Variants in GTF2A1L observed in about 807,000 individuals in gnomAD.
The protein encoded by GTF2A1L is general transcription factor IIA subunit 1 like, also known as TFIIA-alpha and beta-like factor.
GTF2A1L carries 48 observed loss-of-function variants against 49.7 expected under a neutral mutation model. The ratio of observed to expected loss-of-function variants is 0.97; its 90% CI spans 0.77 to 1.23. The LOEUF (loss-of-function observed/expected upper bound fraction) is 1.23, where lower values mean the gene tolerates loss of function less well. Ranked by LOEUF, GTF2A1L falls within the 50% of genes most tolerant of loss-of-function variation. The probability of loss-of-function intolerance (pLI) is 0.00; values close to 1 mark genes in which losing one functional copy is unlikely to be tolerated. For missense variants in GTF2A1L, 736 were observed against 564.8 expected, an observed-to-expected ratio of 1.30 and a Z score of -3.07; for synonymous variants, 246 against 193.5, an observed-to-expected ratio of 1.27 and a Z score of -2.25.
chr2:48,646,572 A>C lies in GTF2A1L; in HGVS notation c.508A>C (p.Thr170Pro). ...QQLGQPSVIQ[T>P]SVPQLNPWSL... ...GCTTGGCCAGCCTTCAGTAATACAA[A>C]CTAGTGTTCCACAATTGAATCCATG... is the stretch of plus-strand genomic sequence containing the variant. Residue 170 changes from threonine to proline, a missense_variant, in exon 6 of 9, where the codon ACT becomes CCT. By Grantham distance (38) the Thr-to-Pro change is conservative. Transcript: ENST00000403751. 6.2e-7 allele frequency: 1 copy of C among 1,614,202 alleles called. No individual in the cohort carries two copies. The highest frequency in any genetic ancestry group is 8.5e-7 in the Non-Finnish European group (1 of 1,180,044).
chr2:48,679,035 T>C (rs1321758797), intron 8 of GTF2A1L, among the ~76,000 whole-genome samples: 2 of 111,626 alleles, frequency 1.8e-5, no homozygotes, highest in African/African-American at 5.7e-5. Flanking sequence ...TATTAAAATG[T>C]AAACTCTTAA....
At chr2:48,676,310 A>G (rs1679463278) in intron 8 of GTF2A1L, among the ~76,000 whole-genome samples, 4 of 151,902 alleles carry the variant, frequency 2.6e-5, no homozygotes, top group African/African-American at 7.2e-5. Flanking sequence ...TTGAACCACT[A>G]TGTATATAAG....
rs537416894 is a variant in GTF2A1L, at chr2:48,663,690, G to T, written c.979-6032G>T. Among the ~76,000 whole-genome samples the T allele has an allele frequency of 2.2e-4, 34 of 151,856 alleles. No homozygotes were observed. The South Asian group carries it at 2.5e-3, about 11-fold the overall frequency. ...GGGTCTTGCTGTATTGCTCAGGCTG[G>T]AGTGCAGTGGCAGGTCATAGCTCAC... On this transcript the variant is annotated intron_variant, in intron 6 of 8. Transcript: ENST00000403751.
intron 1 of GTF2A1L, among the ~76,000 whole-genome samples, chr2:48,619,744 G>T (rs1675872399): frequency 6.6e-6 from 1 of 152,132 alleles, no homozygotes; most frequent in African/African-American, 2.4e-5. Flanking sequence ...TGGCCTGGGG[G>T]CATAGTTTAT....
chr2:48,621,253 G>C lies in GTF2A1L; in HGVS notation c.210G>C (p.Leu70Phe), dbSNP rs1227467935. 1 of 1,613,980 alleles carries C rather than the reference G, an allele frequency of 6.2e-7. No homozygotes were observed. Among genetic ancestry groups the C allele is most frequent in the Admixed American group, 1.7e-5 (1 of 60,002 alleles). ...AATCACCTCTGTTTACTCTTCAGTT[G>C]CCGCACAGCTTGCACCAAACATTGC... ...SIQSPLFTLQ[L>F]PHSLHQTLQS... Residue 70 changes from leucine to phenylalanine, a missense_variant, in exon 3 of 9, where the codon TTG becomes TTC. Transcript: ENST00000403751.
intron 6 of GTF2A1L, among the ~76,000 whole-genome samples, chr2:48,660,291 A>G (rs929208101): frequency 1.3e-5 from 2 of 152,186 alleles, no homozygotes; most frequent in African/African-American, 4.8e-5. Context: ...TGCTGGCCTC[A>G]TAAAATAAGT....
intron 7 of GTF2A1L, among the ~76,000 whole-genome samples, chr2:48,670,781 C>A (rs945775138): frequency 2.9e-4 from 44 of 151,916 alleles, no homozygotes; most frequent in Non-Finnish European, 5.9e-5. Flanking sequence ...TAGTAACTTG[C>A]CTAAGGTCAG....
chr2:48,634,919 A>T (rs1676800708), intron 3 of GTF2A1L, among the ~76,000 whole-genome samples: 1 of 152,204 alleles, frequency 6.6e-6, no homozygotes, highest in African/African-American at 2.4e-5. Flanking sequence ...CAGGTCCCCC[A>T]GTGGCAGGTA....
intron 1 of GTF2A1L, 148 bp from the exon 2 acceptor site, chr2:48,620,703 G>T (rs1314898207): frequency 6.2e-6 from 2 of 321,752 alleles, no homozygotes; most frequent in Non-Finnish European, 9.3e-6. Flanking sequence ...CTTGAACCTG[G>T]GACGTGGAAA....
At chr2:48,640,584 C>T (rs1266660264) in intron 3 of GTF2A1L, among the ~76,000 whole-genome samples, 1 of 152,046 alleles carries the variant, frequency 6.6e-6, no homozygotes, top group Non-Finnish European at 1.5e-5. Flanking sequence ...AGGTACTGGG[C>T]TTAATTCCTG....
intron 4 of GTF2A1L, among the ~76,000 whole-genome samples, chr2:48,643,747 T>C (rs1677334388): frequency 6.7e-6 from 1 of 148,250 alleles, no homozygotes; most frequent in African/African-American, 2.5e-5. Flanking sequence ...CACCCAAGTC[T>C]GGAGTGCGGT....
chr2:48,626,434 A>C (rs1390004013), intron 3 of GTF2A1L, among the ~76,000 whole-genome samples: 1 of 144,172 alleles, frequency 6.9e-6, no homozygotes, highest in Non-Finnish European at 1.6e-5. Context: ...TTTTGATAAG[A>C]GATTTTGTTG....
chr2:48,637,240 C>G (rs1388705054), intron 3 of GTF2A1L, among the ~76,000 whole-genome samples: 1 of 151,972 alleles, frequency 6.6e-6, no homozygotes, highest in East Asian at 1.9e-4. Context: ...CAAAGAAGAT[C>G]CAAGAATCAT....
rs537761778 is a variant in GTF2A1L, at chr2:48,632,436, G to C, written c.248-9966G>C. The C allele has an allele frequency of 2.0e-5, 3 of 151,686 alleles. No individual in the cohort carries two copies. In the East Asian group the frequency reaches 5.8e-4, roughly 29 times the overall value. The allele number at this position is 151,686 out of a possible 1,614,324, so 9.4% of individuals were successfully genotyped here. On this transcript the variant is annotated intron_variant, in intron 3 of 8. Transcript: ENST00000403751. Reference sequence around the variant, plus strand: ...TCTTACTCTGTCACTAGGCTGGAGTGCAGTGGCGTGATCTCGGTTCACTGC... The same window carrying C: ...TCTTACTCTGTCACTAGGCTGGAGTCCAGTGGCGTGATCTCGGTTCACTGC...
intron 3 of GTF2A1L, among the ~76,000 whole-genome samples, chr2:48,621,863 A>T (rs1195010222): frequency 6.6e-6 from 1 of 152,220 alleles, no homozygotes; most frequent in Admixed American, 6.5e-5. Context: ...TGTCCACATT[A>T]TGCGTATCAA....
chr2:48,643,477 A>G (rs1401962903), intron 4 of GTF2A1L, among the ~76,000 whole-genome samples: 1 of 152,140 alleles, frequency 6.6e-6, no homozygotes, highest in Non-Finnish European at 1.5e-5. Context: ...CCTTAATAGG[A>G]TTTTTGGAAA....
intron 6 of GTF2A1L, among the ~76,000 whole-genome samples, chr2:48,656,481 C>T (rs540707024): frequency 6.6e-6 from 1 of 150,924 alleles, no homozygotes; most frequent in Non-Finnish European, 1.5e-5. Flanking sequence ...CTTCTGGCCA[C>T]TTGTATGCAT....
intron 3 of GTF2A1L, among the ~76,000 whole-genome samples, chr2:48,631,815 A>G (rs1232500034): frequency 2.0e-5 from 3 of 152,088 alleles, no homozygotes; most frequent in African/African-American, 4.8e-5. Flanking sequence ...TTTCCTCTTA[A>G]TACTGCTTTT....
chr2:48,675,002 T>C (rs1190035492), intron 8 of GTF2A1L, among the ~76,000 whole-genome samples: 1 of 152,146 alleles, frequency 6.6e-6, no homozygotes, highest in Non-Finnish European at 1.5e-5. Flanking sequence ...AGAATGTATC[T>C]AAAGGTCAAA....
Sources: gnomAD v4.1 joint callset for allele counts (sites outside exome capture counted in the v4.1 genomes callset) on GRCh38, gnomAD v4.1.1 for gene constraint, MANE v1.5 for transcripts, NCBI Gene and HGNC (gene_info 2026-07-23, HGNC 2026-07-21) for gene names.